The following WASHC2A variants were observed in gnomAD, a reference collection of about 807,000 sequenced individuals.
The protein encoded by WASHC2A is WASH complex subunit FAM21A.
In WASHC2A, 82 loss-of-function variants were observed where a neutral mutation model predicts 140.3. The ratio of observed to expected loss-of-function variants is 0.58; its 90% CI spans 0.49 to 0.70. The LOEUF (loss-of-function observed/expected upper bound fraction) is 0.70. WASHC2A is among the 30% of genes least tolerant of loss of function. The pLI, the probability that WASHC2A is intolerant of heterozygous loss-of-function variation, is 0.00. For synonymous variants in WASHC2A, 340 were observed against 560.8 expected, an observed-to-expected ratio of 0.61 and a Z score of 5.56; for missense variants, 985 against 1,521.8, an observed-to-expected ratio of 0.65 and a Z score of 5.87.
At chr10:50,111,605 A>G (rs1367751173) in intron 20 of WASHC2A, among the ~76,000 whole-genome samples, 8 of 152,334 alleles carry the variant, frequency 5.3e-5, no homozygotes, top group Admixed American at 5.2e-4. Context: ...GCCCTCAGGT[A>G]TTGCCAGTTA....
intron 17 of WASHC2A, among the ~76,000 whole-genome samples, chr10:50,100,883 G>T (rs1212843819): frequency 1.1e-4 from 17 of 152,426 alleles, no homozygotes; most frequent in African/African-American, 3.8e-4. Flanking sequence ...AGTCTCTCAG[G>T]CCTAGGTCGT....
rs1383840858 is a variant in WASHC2A, at chr10:50,129,298, A to G, written c.3088-121A>G. 2,944 of 1,551,410 alleles carry G rather than the reference A, an allele frequency of 1.9e-3. 52 individuals carry two copies. In the African/African-American group the frequency reaches 0.036, roughly 19 times the overall value. On this transcript the variant is annotated intron_variant, in intron 28 of 30. Transcript: ENST00000282633. ...ATAACCTCTTCTATGTTCTTAGATA[A>G]TATCTTCATTGAAGTAGACCAGATA... is the stretch of plus-strand genomic sequence containing the variant.
chr10:50,076,974 G>A (rs1295279159), intron 3 of WASHC2A, among the ~76,000 whole-genome samples: 1 of 149,870 alleles, frequency 6.7e-6, no homozygotes, highest in Non-Finnish European at 1.5e-5. Flanking sequence ...AAATTAGCTG[G>A]GCATGGGTGG....
At chr10:50,077,350 T>C (rs1417771595) in intron 3 of WASHC2A, among the ~76,000 whole-genome samples, 1 of 152,038 alleles carries the variant, frequency 6.6e-6, no homozygotes, top group Non-Finnish European at 1.5e-5. Flanking sequence ...TATGCACTTG[T>C]TAGCTTATAT....
intron 26 of WASHC2A, among the ~76,000 whole-genome samples, chr10:50,126,931 T>A (rs1183778977): frequency 6.6e-6 from 1 of 152,168 alleles, no homozygotes; most frequent in African/African-American, 2.4e-5. Context: ...CTTGTATTCC[T>A]TGACTCCATA....
At chr10:50,112,660 A>C (rs1842381012) in intron 20 of WASHC2A, among the ~76,000 whole-genome samples, 1 of 149,960 alleles carries the variant, frequency 6.7e-6, no homozygotes, top group African/African-American at 2.5e-5. Context: ...CCAAATGTCC[A>C]TCAACTGATG....
At chr10:50,126,003 C>T in intron 25 of WASHC2A, 54 bp from the exon 26 acceptor site, 1 of 1,605,036 alleles carries the variant, frequency 6.2e-7, no homozygotes, top group Non-Finnish European at 8.5e-7. Context: ...TATGATTTTT[C>T]CTTAAAATTT....
At chr10:50,078,378 A>G (rs1256333008) in intron 3 of WASHC2A, among the ~76,000 whole-genome samples, 1 of 152,220 alleles carries the variant, frequency 6.6e-6, no homozygotes, top group Non-Finnish European at 1.5e-5. Flanking sequence ...AAAAGGTGTG[A>G]AAACTGATAT....
intron 16 of WASHC2A, among the ~76,000 whole-genome samples, chr10:50,098,202 A>G (rs1220066465): frequency 3.4e-4 from 51 of 152,142 alleles, no homozygotes; most frequent in African/African-American, 1.1e-3. Context: ...CAGTAATTCT[A>G]TAGTAGAATC....
chr10:50,099,457 T>G (rs1187215685), intron 16 of WASHC2A, among the ~76,000 whole-genome samples: 1 of 151,040 alleles, frequency 6.6e-6, no homozygotes, highest in African/African-American at 2.4e-5. Flanking sequence ...AGACGGGTTT[T>G]GCCCATGTTG....
intron 17 of WASHC2A, among the ~76,000 whole-genome samples, chr10:50,103,739 G>C (rs1841470395): frequency 6.6e-6 from 1 of 152,150 alleles, no homozygotes; most frequent in African/African-American, 2.4e-5. Context: ...TTAGCATGGT[G>C]TAGGAAATTG....
chr10:50,097,397 C>T (rs1417765274), intron 15 of WASHC2A, among the ~76,000 whole-genome samples: 1 of 150,900 alleles, frequency 6.6e-6, no homozygotes, highest in Non-Finnish European at 1.5e-5. Flanking sequence ...CCTTGTAAGC[C>T]AGTCCAAGCT....
chr10:50,086,551 C>G (rs1839400102), intron 7 of WASHC2A, among the ~76,000 whole-genome samples: 1 of 151,124 alleles, frequency 6.6e-6, no homozygotes, highest in South Asian at 2.1e-4. Context: ...CCCATTAGCT[C>G]GTCATCTAGC....
At chr10:50,085,890 A>G (rs1283581776) in intron 7 of WASHC2A, among the ~76,000 whole-genome samples, 1 of 152,038 alleles carries the variant, frequency 6.6e-6, no homozygotes, top group African/African-American at 2.4e-5. Context: ...GTCTTTGAGT[A>G]TATTCTGTCT....
At chr10:50,128,199 G>T (rs1221562464) in intron 28 of WASHC2A, among the ~76,000 whole-genome samples, 1 of 151,640 alleles carries the variant, frequency 6.6e-6, no homozygotes, top group Non-Finnish European at 1.5e-5. Flanking sequence ...ATCGGTGCCA[G>T]CCCATGTGTG....
At position 50,069,815 on chromosome 10, in the gene WASHC2A, G is replaced by C; in HGVS notation, c.291+104G>C. On this transcript the variant is annotated intron_variant, in intron 3 of 30. Transcript: ENST00000282633. ...CCCTCCTAAATTTTGGTGGAAGTGT[G>C]GTTCTTGGTAATTGTAGCTTTTTTC... 2.4e-6 allele frequency: 3 copies of C among 1,232,288 alleles called. No individual in the cohort carries two copies. In the South Asian group the frequency reaches 5.8e-5, roughly 24 times the overall value. 76.3% of individuals were successfully genotyped at this position (1,232,288 alleles called of 1,614,324 possible).
At chr10:50,078,532 C>G (rs2805131) in intron 3 of WASHC2A, 143 bp from the exon 4 acceptor site, 237,506 of 1,580,772 alleles carry the variant, frequency 0.15, 19,074 homozygotes, top group Middle Eastern at 0.22. Flanking sequence ...TTACGGACAC[C>G]CACCTGGTAG....
intron 8 of WASHC2A, among the ~76,000 whole-genome samples, chr10:50,088,958 C>T (rs1194479997): frequency 5.8e-4 from 24 of 41,378 alleles, no homozygotes; most frequent in African/African-American, 7.9e-4. Context: ...TTTTTCTTTC[C>T]TTTTTTTTTT....
intron 3 of WASHC2A, among the ~76,000 whole-genome samples, chr10:50,070,591 C>A (rs1400550967): frequency 6.8e-6 from 1 of 147,724 alleles, no homozygotes; most frequent in Non-Finnish European, 1.5e-5. Flanking sequence ...CATGTTTGTG[C>A]ATTTTTTAAT....
Sources: allele counts gnomAD v4.1 joint callset (sites outside exome capture counted in the v4.1 genomes callset), GRCh38; gene constraint gnomAD v4.1.1; transcripts MANE v1.5; gene names NCBI Gene and HGNC (gene_info 2026-07-23, HGNC 2026-07-21).